Variants in CCDC171 observed in about 807,000 individuals in gnomAD.
The protein encoded by CCDC171 is coiled-coil domain-containing protein 171.
Under a neutral mutation model 168.2 loss-of-function variants are expected in CCDC171, and 177 were observed. That is an observed-to-expected ratio of 1.05 (90% CI 0.93 to 1.19). The LOEUF (loss-of-function observed/expected upper bound fraction) is 1.19, where lower values mean the gene tolerates loss of function less well. Ranked by LOEUF, CCDC171 falls within the 50% of genes most tolerant of loss-of-function variation. CCDC171 has a pLI of 0.00. For synonymous variants in CCDC171, 687 were observed against 540.8 expected, an observed-to-expected ratio of 1.27 and a Z score of -3.75; for missense variants, 1,991 against 1,539.0, an observed-to-expected ratio of 1.29 and a Z score of -4.91.
chr9:15,989,824 A>G (rs911207358), intron 3 of CCDC171, among the ~76,000 whole-genome samples: 3 of 152,164 alleles, frequency 2.0e-5, no homozygotes, highest in African/African-American at 7.2e-5. Context: ...AGGAAAGGGT[A>G]TCAGTGATTG....
intron 16 of CCDC171, among the ~76,000 whole-genome samples, chr9:15,742,283 C>G (rs1283837605): frequency 6.6e-6 from 1 of 152,202 alleles, no homozygotes; most frequent in African/African-American, 2.4e-5. Context: ...TCATACCTCT[C>G]TAGATAAAGT....
intron 3 of CCDC171, among the ~76,000 whole-genome samples, chr9:16,014,253 A>G (rs1394657942): frequency 6.6e-6 from 1 of 152,234 alleles, no homozygotes; most frequent in Non-Finnish European, 1.5e-5. Flanking sequence ...GCTCATCCAT[A>G]AGAAGCAACT....
intron 24 of CCDC171, among the ~76,000 whole-genome samples, chr9:15,881,596 C>G (rs1182886271): frequency 2.6e-5 from 4 of 152,128 alleles, no homozygotes; most frequent in Non-Finnish European, 5.9e-5. Flanking sequence ...TATATTTGTA[C>G]CCATTAATCA....
At chr9:15,887,104 T>G (rs1819528009) in intron 24 of CCDC171, among the ~76,000 whole-genome samples, 1 of 152,242 alleles carries the variant, frequency 6.6e-6, no homozygotes, top group Admixed American at 6.5e-5. Context: ...AGAGTAGATC[T>G]TCAGTATTCT....
intron 4 of CCDC171, among the ~76,000 whole-genome samples, chr9:15,588,806 C>G (rs2041777593): frequency 6.7e-6 from 1 of 150,008 alleles, no homozygotes; most frequent in South Asian, 2.1e-4. Context: ...CTCCCGGGTT[C>G]ACGTCATTCT....
intron 23 of CCDC171, among the ~76,000 whole-genome samples, chr9:15,872,127 C>T (rs59574569): frequency 0.018 from 2,670 of 151,932 alleles, 91 homozygotes; most frequent in African/African-American, 0.062. Context: ...GTTGATTCAA[C>T]AGATAATTTG....
chr9:15,767,509 C>T (rs2056785211), intron 18 of CCDC171, among the ~76,000 whole-genome samples: 1 of 152,110 alleles, frequency 6.6e-6, no homozygotes, highest in African/African-American at 2.4e-5. Flanking sequence ...ATTCCATCTA[C>T]ACCCTTAATT....
At chr9:15,981,729 T>C (rs1831802840) in intron 3 of CCDC171, among the ~76,000 whole-genome samples, 1 of 152,144 alleles carries the variant, frequency 6.6e-6, no homozygotes, top group South Asian at 2.1e-4. Flanking sequence ...ACCTTTTCTT[T>C]TCCATAACCC....
Position 15,972,330 on chromosome 9 carries a change from A to T in CCDC171, c.*494A>T, listed in dbSNP as rs1259317650. 1 of 157,678 alleles carries T rather than the reference A, an allele frequency of 6.3e-6. No homozygotes were observed. The highest frequency in any genetic ancestry group is 1.4e-5 in the Non-Finnish European group (1 of 72,020). 9.8% of individuals were successfully genotyped at this position (157,678 alleles called of 1,614,324 possible). On this transcript the variant is annotated 3_prime_UTR_variant, in exon 26 of 26. Transcript: ENST00000380701. ...ACTGAAGACAAGCATTTAGTTGCAA[A>T]CTTTAAGCAGGTTGTGCAAAACAGA...
chr9:16,029,146 C>G (rs566912436), intron 6 of CCDC171, among the ~76,000 whole-genome samples: 6 of 152,202 alleles, frequency 3.9e-5, no homozygotes, highest in African/African-American at 1.4e-4. Flanking sequence ...GGCTGTAAGG[C>G]AACAAGTGGT....
intron 11 of CCDC171, among the ~76,000 whole-genome samples, chr9:15,719,323 C>T (rs1319883329): frequency 6.8e-6 from 1 of 146,312 alleles, no homozygotes; most frequent in Non-Finnish European, 1.5e-5. Flanking sequence ...GAATGAAGCA[C>T]TCCTACAGGA....
chr9:15,603,746 A>G (rs905728995), intron 6 of CCDC171, among the ~76,000 whole-genome samples: 2 of 151,726 alleles, frequency 1.3e-5, no homozygotes, highest in Non-Finnish European at 1.5e-5. Context: ...AGAATGATTT[A>G]TATTCCTTTG....
intron 8 of CCDC171, among the ~76,000 whole-genome samples, chr9:15,665,618 A>C (rs1382684308): frequency 2.0e-5 from 3 of 152,208 alleles, no homozygotes; most frequent in East Asian, 1.9e-4. Context: ...CTATCTCTAC[A>C]AAAAATAAAA....
chr9:15,925,829 C>T (rs1046548316), intron 25 of CCDC171, among the ~76,000 whole-genome samples: 1 of 151,580 alleles, frequency 6.6e-6, no homozygotes, highest in African/African-American at 2.4e-5. Context: ...TACTTTGTAC[C>T]ATCATCTCTG....
At chr9:15,790,535 A>G (rs1414377788) in intron 21 of CCDC171, among the ~76,000 whole-genome samples, 1 of 152,140 alleles carries the variant, frequency 6.6e-6, no homozygotes, top group African/African-American at 2.4e-5. Flanking sequence ...TTTTTCTCCC[A>G]TCCTGTAGGT....
At chr9:15,913,231 T>C (rs1563990110) in intron 24 of CCDC171, among the ~76,000 whole-genome samples, 1 of 152,236 alleles carries the variant, frequency 6.6e-6, no homozygotes, top group Non-Finnish European at 1.5e-5. Flanking sequence ...ATTCAGGGAT[T>C]CGACTTCTTC....
chr9:15,709,049 G>A (rs1207377221), intron 11 of CCDC171, among the ~76,000 whole-genome samples: 1 of 152,008 alleles, frequency 6.6e-6, no homozygotes, highest in African/African-American at 2.4e-5. Flanking sequence ...ACAGTACCTG[G>A]TACATTTAGA....
chr9:16,094,947 T>G, the CCDC171 span, among the ~76,000 whole-genome samples: 2 of 152,092 alleles, frequency 1.3e-5, no homozygotes. Context: ...GGTGAGCAAG[T>G]TCTCATGAGA....
chr9:16,077,284 A>C, the CCDC171 span, among the ~76,000 whole-genome samples: 2 of 152,182 alleles, frequency 1.3e-5, no homozygotes. Context: ...ATGGTGGGCA[A>C]ATAAGCCATG....
Sources: allele counts gnomAD v4.1 joint callset (sites outside exome capture counted in the v4.1 genomes callset), GRCh38; gene constraint gnomAD v4.1.1; transcripts MANE v1.5; gene names NCBI Gene and HGNC (gene_info 2026-07-23, HGNC 2026-07-21).